The following THRB variants were observed in gnomAD, a reference collection of about 807,000 sequenced individuals.
THRB encodes nuclear receptor subfamily 1 group A member 2.
THRB carries 12 observed loss-of-function variants against 47.8 expected under a neutral mutation model. The ratio of observed to expected loss-of-function variants is 0.25; its 90% CI spans 0.16 to 0.41. The LOEUF (loss-of-function observed/expected upper bound fraction) is 0.41. THRB is among the 10% of genes least tolerant of loss of function. THRB has a pLI of 1.00. For missense variants in THRB, 348 were observed against 589.2 expected, an observed-to-expected ratio of 0.59 and a Z score of 4.24; for synonymous variants, 218 against 212.2, an observed-to-expected ratio of 1.03 and a Z score of -0.24.
At chr3:24,433,327 T>A (rs1276081062) in intron 1 of THRB, among the ~76,000 whole-genome samples, 3 of 152,094 alleles carry the variant, frequency 2.0e-5, no homozygotes, top group African/African-American at 7.2e-5. Context: ...CCCAGTATGG[T>A]CATAAAATTC....
chr3:24,355,134 G>C (rs1025532252), intron 1 of THRB, among the ~76,000 whole-genome samples: 1 of 152,154 alleles, frequency 6.6e-6, no homozygotes, highest in Non-Finnish European at 1.5e-5. Context: ...ATGGAGTAAA[G>C]TGGCATCATG....
intron 8 of THRB, among the ~76,000 whole-genome samples, chr3:24,142,971 G>A (rs570401677): frequency 5.1e-4 from 77 of 152,236 alleles, no homozygotes; most frequent in Non-Finnish European, 1.1e-3. Context: ...ACACACTCGT[G>A]CCCACCAACC....
At chr3:24,279,843 A>T (rs1259319248) in intron 3 of THRB, among the ~76,000 whole-genome samples, 2 of 152,200 alleles carry the variant, frequency 1.3e-5, no homozygotes, top group African/African-American at 4.8e-5. Context: ...GTAGGCTTCA[A>T]GTACGAGGAG....
intron 5 of THRB, 94 bp downstream of exon 5, chr3:24,189,978 ATT>A (rs1432933762): frequency 8.1e-7 from 1 of 1,241,060 alleles, no homozygotes; most frequent in Non-Finnish European, 1.2e-6. Context: ...GACACCATAC[ATT>A]GGAAGAGAAA....
At chr3:24,238,531 G>A (rs1034260212) in intron 3 of THRB, among the ~76,000 whole-genome samples, 1 of 152,014 alleles carries the variant, frequency 6.6e-6, no homozygotes, top group Non-Finnish European at 1.5e-5. Context: ...TAATGAGTAA[G>A]ACAATAACAA....
chr3:24,182,734 C>G (rs2042063322), intron 5 of THRB, among the ~76,000 whole-genome samples: 1 of 152,112 alleles, frequency 6.6e-6, no homozygotes, highest in Non-Finnish European at 1.5e-5. Flanking sequence ...GAGGCTCAAA[C>G]AAAGTGACTT....
chr3:24,184,133 A>G (rs781598821), intron 5 of THRB, among the ~76,000 whole-genome samples: 2 of 152,228 alleles, frequency 1.3e-5, no homozygotes, highest in South Asian at 2.1e-4. Flanking sequence ...CTTACTTTCA[A>G]TAAGTATTCC....
chr3:24,299,766 C>CTTTTTTTTTTTTTTTTTTTTTTTTTTTTT (rs1360367092), intron 2 of THRB, among the ~76,000 whole-genome samples: 2 of 58,576 alleles, frequency 3.4e-5, no homozygotes, highest in African/African-American at 1.6e-4. Flanking sequence ...GGGAAGTATG[C>CTTTTTTTTTTTTTTTTTTTTTTTTTTTTT]TTTTTTATTT....
At chr3:24,444,874 G>A (rs529354459) in intron 1 of THRB, among the ~76,000 whole-genome samples, 2 of 152,250 alleles carry the variant, frequency 1.3e-5, no homozygotes, top group African/African-American at 4.8e-5. Context: ...ATGAGGCACC[G>A]TGCCCGGTCC....
intron 3 of THRB, among the ~76,000 whole-genome samples, chr3:24,279,051 C>T (rs1327764641): frequency 6.6e-6 from 1 of 152,064 alleles, no homozygotes; most frequent in Non-Finnish European, 1.5e-5. Context: ...CACTATATTG[C>T]CTAGGCTGGT....
At chr3:24,252,135 G>C (rs186501937) in intron 3 of THRB, among the ~76,000 whole-genome samples, 43 of 152,160 alleles carry the variant, frequency 2.8e-4, no homozygotes, top group African/African-American at 1.0e-3. Flanking sequence ...AACCCACAGG[G>C]AAGTAAGACT....
At chr3:24,392,745 G>A (rs1405407124) in intron 1 of THRB, among the ~76,000 whole-genome samples, 2 of 152,090 alleles carry the variant, frequency 1.3e-5, no homozygotes, top group Non-Finnish European at 2.9e-5. Flanking sequence ...ATAGTTATAT[G>A]AGTAACATTT....
intron 1 of THRB, among the ~76,000 whole-genome samples, chr3:24,411,452 T>C (rs1442236039): frequency 6.6e-6 from 1 of 151,684 alleles, no homozygotes; most frequent in Non-Finnish European, 1.5e-5. Context: ...CATATTTAAA[T>C]CACATGGCAA....
intron 4 of THRB, among the ~76,000 whole-genome samples, chr3:24,221,653 T>C (rs370869694): frequency 1.3e-5 from 2 of 152,294 alleles, no homozygotes; most frequent in South Asian, 2.1e-4. Flanking sequence ...GAAAGAATTT[T>C]TTTTTCACTC....
chr3:24,293,527 G>A (rs1261385048), intron 3 of THRB, among the ~76,000 whole-genome samples: 2 of 152,126 alleles, frequency 1.3e-5, no homozygotes, highest in Admixed American at 6.6e-5. Flanking sequence ...TAATCAAATT[G>A]TATCATTTTG....
intron 1 of THRB, among the ~76,000 whole-genome samples, chr3:24,393,432 C>G (rs1014931271): frequency 2.6e-5 from 4 of 152,054 alleles, no homozygotes; most frequent in African/African-American, 7.2e-5. Context: ...AGAAAAGTAG[C>G]TGAGGGGAGT....
chr3:24,150,952 AACT>A (rs1456433005), intron 6 of THRB, among the ~76,000 whole-genome samples: 2 of 152,204 alleles, frequency 1.3e-5, no homozygotes, highest in African/African-American at 4.8e-5. Context: ...AAGCCAATAA[AACT>A]ACTTTCAAGA....
chr3:24,137,298 GC>G (rs1326734740), intron 8 of THRB, among the ~76,000 whole-genome samples: 1 of 152,212 alleles, frequency 6.6e-6, no homozygotes, highest in African/African-American at 2.4e-5. Context: ...GGTACTGTGG[GC>G]CAGGCCTAGT....
chr3:24,249,398 A>G (rs1184053714), intron 3 of THRB, among the ~76,000 whole-genome samples: 1 of 152,166 alleles, frequency 6.6e-6, no homozygotes, highest in Non-Finnish European at 1.5e-5. Context: ...TAAGGTGATA[A>G]TTATTTTAAA....
Sources: allele counts gnomAD v4.1 joint callset (sites outside exome capture counted in the v4.1 genomes callset), GRCh38; gene constraint gnomAD v4.1.1; transcripts MANE v1.5; gene names NCBI Gene and HGNC (gene_info 2026-07-23, HGNC 2026-07-21).